Variants in CHD6 observed in about 807,000 individuals in gnomAD.
CHD6 encodes chromodomain helicase DNA binding protein 6.
In CHD6, 50 loss-of-function variants were observed where a neutral mutation model predicts 276.9. That is an observed-to-expected ratio of 0.18 (90% CI 0.14 to 0.23). The LOEUF (loss-of-function observed/expected upper bound fraction) is 0.23, where lower values mean the gene tolerates loss of function less well. CHD6 is among the 10% of genes least tolerant of loss of function. The probability of loss-of-function intolerance (pLI) is 1.00; values close to 1 mark genes in which losing one functional copy is unlikely to be tolerated. For synonymous variants in CHD6, 1,173 were observed against 1,229.3 expected (o/e 0.95, Z 0.96); for missense variants, 2,564 against 3,365.8 (o/e 0.76, Z 5.89).
intron 1 of CHD6, among the ~76,000 whole-genome samples, chr20:41,553,755 C>T (rs764539811): frequency 2.0e-5 from 3 of 152,218 alleles, no homozygotes; most frequent in South Asian, 2.1e-4. Flanking sequence ...CTTTTGTCTC[C>T]GTGCTGACTT....
rs34609245 is a variant in CHD6 at position 41,432,589 on chromosome 20, G to GC, written c.4068+4684dup. Among the ~76,000 whole-genome samples, 790 of 151,470 alleles carry GC rather than the reference G, an allele frequency of 5.2e-3. 6 individuals are homozygous for GC. The highest frequency in any genetic ancestry group is 9.2e-3 in the South Asian group (44 of 4,766). On this transcript the variant is annotated intron_variant, in intron 27 of 36. Transcript: ENST00000373233. ...TGCTTCCACCTCACAGAAACAAGGT[G>GC]CCCCCCCCGACCTCTGTTCCCCTGC... is the stretch of plus-strand genomic sequence containing the variant.
At chr20:41,542,229 T>C (rs1335052899) in intron 2 of CHD6, among the ~76,000 whole-genome samples, 1 of 152,238 alleles carries the variant, frequency 6.6e-6, no homozygotes, top group Non-Finnish European at 1.5e-5. Context: ...AAGTAGATGC[T>C]GAACAGAATC....
At chr20:41,577,077 GA>G (rs1289859103) in intron 1 of CHD6, among the ~76,000 whole-genome samples, 1 of 152,166 alleles carries the variant, frequency 6.6e-6, no homozygotes, top group Non-Finnish European at 1.5e-5. Context: ...AATTATTTAA[GA>G]ATTTGTTAAA....
At chr20:41,588,238 C>A (rs140737523) in intron 1 of CHD6, among the ~76,000 whole-genome samples, 1 of 152,108 alleles carries the variant, frequency 6.6e-6, no homozygotes, top group Admixed American at 6.5e-5. Flanking sequence ...TAACGCTGAA[C>A]AACAGACCAC....
At chr20:41,485,305 C>A (rs1345387867) in intron 14 of CHD6, among the ~76,000 whole-genome samples, 6 of 152,160 alleles carry the variant, frequency 3.9e-5, no homozygotes, top group Non-Finnish European at 8.8e-5. Context: ...GAGACAATGA[C>A]AGACTGAGGG....
intron 3 of CHD6, among the ~76,000 whole-genome samples, chr20:41,523,991 C>G (rs938833848): frequency 6.6e-6 from 1 of 152,178 alleles, no homozygotes; most frequent in Non-Finnish European, 1.5e-5. Flanking sequence ...GAATGCGTTA[C>G]TACTACAGCC....
At chr20:41,537,523 C>T (rs1252528014) in intron 2 of CHD6, among the ~76,000 whole-genome samples, 3 of 151,982 alleles carry the variant, frequency 2.0e-5, no homozygotes, top group Non-Finnish European at 4.4e-5. Flanking sequence ...TAGAACAATC[C>T]CCCATGGACG....
At chr20:41,579,928 G>A (rs527436842) in intron 1 of CHD6, among the ~76,000 whole-genome samples, 1 of 152,066 alleles carries the variant, frequency 6.6e-6, no homozygotes, top group African/African-American at 2.4e-5. Flanking sequence ...TTGGGTTTTT[G>A]TTTTGTTTTG....
intron 3 of CHD6, among the ~76,000 whole-genome samples, chr20:41,528,026 T>C (rs1246964352): frequency 6.6e-6 from 1 of 152,196 alleles, no homozygotes. Flanking sequence ...TCCAGAATGG[T>C]AAGCCAAAGA....
intron 27 of CHD6, among the ~76,000 whole-genome samples, chr20:41,429,982 T>G (rs1280584641): frequency 6.6e-6 from 1 of 152,206 alleles, no homozygotes; most frequent in Non-Finnish European, 1.5e-5. Flanking sequence ...AACAGGCTCT[T>G]TTTATACAAT....
Position 41,488,349 on chromosome 20 carries a change from A to G in CHD6, c.1857+79T>C. ...AAACGACTAGGCAGAAATAAGTTAC[A>G]TGCAGAATGGCTAAAGAGTGTTTCC... On this transcript the variant is annotated intron_variant, in intron 13 of 36. Transcript: ENST00000373233. 4.7e-6 allele frequency: 6 copies of G among 1,273,980 alleles called. No individual in the cohort carries two copies. The South Asian group carries it at 6.0e-5, about 13-fold the overall frequency. 78.9% of individuals were successfully genotyped at this position (1,273,980 alleles called of 1,614,324 possible). A position where few individuals can be genotyped will look rare whatever the true frequency, so the allele number is the denominator to read the frequency against.
intron 30 of CHD6, among the ~76,000 whole-genome samples, chr20:41,423,198 A>T (rs2047252211): frequency 6.6e-6 from 1 of 152,176 alleles, no homozygotes; most frequent in South Asian, 2.1e-4. Context: ...AAAAACCATG[A>T]CTTTAAAAAA....
chr20:41,472,020 G>A (rs2043064809), intron 17 of CHD6, among the ~76,000 whole-genome samples: 1 of 151,776 alleles, frequency 6.6e-6, no homozygotes, highest in Non-Finnish European at 1.5e-5. Flanking sequence ...GATCACCTGA[G>A]GTCAGGAGTT....
At chr20:41,417,443 T>C in intron 31 of CHD6, 94 bp from the exon 32 acceptor site, 2 of 1,115,692 alleles carry the variant, frequency 1.8e-6, no homozygotes, top group Non-Finnish European at 2.5e-6. Flanking sequence ...TCCTTTTGCT[T>C]TTTAAATTAG....
chr20:41,610,077 G>A (rs2045870859), intron 1 of CHD6, among the ~76,000 whole-genome samples: 2 of 151,984 alleles, frequency 1.3e-5, no homozygotes, highest in East Asian at 1.9e-4. Context: ...GGCTGGTCTC[G>A]AACTCCTGAC....
chr20:41,517,311 G>A (rs1446049230), intron 3 of CHD6, among the ~76,000 whole-genome samples: 1 of 152,096 alleles, frequency 6.6e-6, no homozygotes, highest in Admixed American at 6.5e-5. Flanking sequence ...AGAGGATCAG[G>A]AAAAATAACT....
At chr20:41,453,082 A>T (rs1295938896) in intron 20 of CHD6, 140 bp from the exon 21 acceptor site, 2 of 654,804 alleles carry the variant, frequency 3.1e-6, no homozygotes, top group Non-Finnish European at 5.4e-6. Context: ...TTCCCAGCAC[A>T]CCTGCTGTCT....
chr20:41,576,483 C>T (rs760362893), intron 1 of CHD6, among the ~76,000 whole-genome samples: 5 of 152,086 alleles, frequency 3.3e-5, no homozygotes, highest in Admixed American at 2.0e-4. Context: ...GTCAGGAGTT[C>T]GAGACCAGCC....
At chr20:41,566,660 A>G (rs1466223787) in intron 1 of CHD6, among the ~76,000 whole-genome samples, 1 of 152,130 alleles carries the variant, frequency 6.6e-6, no homozygotes, top group African/African-American at 2.4e-5. Context: ...CTCCCATGGG[A>G]ACCAGGGGTC....
Sources: allele counts gnomAD v4.1 joint callset (sites outside exome capture counted in the v4.1 genomes callset), GRCh38; gene constraint gnomAD v4.1.1; transcripts MANE v1.5; gene names NCBI Gene and HGNC (gene_info 2026-07-23, HGNC 2026-07-21).